Variants in GYG2 observed in about 807,000 individuals in gnomAD.
GYG2 encodes the protein glycogenin 2.
GYG2 carries 29 observed loss-of-function variants against 29.4 expected under a neutral mutation model. The ratio of observed to expected loss-of-function variants is 0.99; its 90% confidence interval spans 0.74 to 1.35. GYG2 has a LOEUF of 1.35. Ranked by LOEUF, GYG2 falls within the 40% of genes most tolerant of loss-of-function variation. GYG2 has a pLI of 0.00. For missense variants in GYG2, 370 were observed against 385.7 expected, an observed-to-expected ratio of 0.96 and a Z score of 0.34; for synonymous variants, 167 against 172.3, an observed-to-expected ratio of 0.97 and a Z score of 0.24.
chrX:2,838,385 A>C (rs1173317530), intron 2 of GYG2, among the ~76,000 whole-genome samples: 1 of 109,528 alleles, frequency 9.1e-6, no homozygotes, highest in Non-Finnish European at 1.9e-5. Context: ...ATTGTCAGGA[A>C]AAGGACTGCT....
rs190308716 is a variant in GYG2, at chrX:2,867,895, A to G, written c.1038+6173A>G. Among the ~76,000 whole-genome samples the G allele has an allele frequency of 4.7e-3, 519 of 111,608 alleles. 5 individuals are homozygous for G. The highest frequency in any genetic ancestry group is 0.016 in the Admixed American group (165 of 10,510). ...CAGATCACTTGAGCTCAGGAGTTCAAGACCAGCCTGGCCAACACGGTGAAA... is the reference window on the plus strand; with the variant it reads ...CAGATCACTTGAGCTCAGGAGTTCAGGACCAGCCTGGCCAACACGGTGAAA... On this transcript the variant is annotated intron_variant, in intron 8 of 10. Coordinates refer to ENST00000398806, the MANE Select transcript of GYG2 (RefSeq NM_001079855.2).
chrX:2,853,965 A>C lies in GYG2; in HGVS notation c.150-15A>C. 1 of 1,173,022 alleles carries C rather than the reference A, an allele frequency of 8.5e-7. No homozygotes were observed. The highest frequency in any genetic ancestry group is 1.2e-6 in the Non-Finnish European group (1 of 861,221). On this transcript the variant is annotated splice_polypyrimidine_tract_variant and intron_variant, in intron 3 of 10. Transcript: ENST00000398806. ...TTCACCCGCTGTCCCACTATTTGGC[A>C]CATGTCTGTTCCAGGGTCATCCTCT...
intron 6 of GYG2, among the ~76,000 whole-genome samples, chrX:2,858,485 A>G (rs966873065): frequency 2.7e-5 from 3 of 110,548 alleles, no homozygotes; most frequent in African/African-American, 9.9e-5. Context: ...AAAAAGAAAG[A>G]ATCCACACGG....
intron 2 of GYG2, among the ~76,000 whole-genome samples, chrX:2,840,724 T>C (rs2087473854): frequency 9.1e-6 from 1 of 109,917 alleles, no homozygotes; most frequent in South Asian, 3.9e-4. Context: ...AGATGATAGG[T>C]AGAGAGATGA....
intron 7 of GYG2, 118 bp downstream of exon 7, chrX:2,860,183 T>C (rs1328501809): frequency 6.6e-6 from 3 of 456,285 alleles, no homozygotes; most frequent in Admixed American, 4.3e-5. Flanking sequence ...CTGTATTTCA[T>C]GGAAAAGAAT....
intron 7 of GYG2, among the ~76,000 whole-genome samples, chrX:2,860,416 A>T (rs1192786975): frequency 3.6e-5 from 4 of 110,728 alleles, no homozygotes; most frequent in African/African-American, 1.3e-4. Context: ...CCATCATTTG[A>T]GATAGCAGTT....
At position 2,843,302 on chromosome X, in the gene GYG2, C is replaced by T; in HGVS notation, c.97C>T (p.Leu33=). 3 of 1,196,032 alleles carry T rather than the reference C, an allele frequency of 2.5e-6. No individual in the cohort carries two copies. Among genetic ancestry groups the T allele is most frequent in the Non-Finnish European group, 3.4e-6 (3 of 882,289 alleles). The part of the protein sequence containing the change: ...VLGQSLRRHR[L]TRKLVVLITP... ...GGGGCAGTCACTGAGGAGACACAGG[C>T]TGACGAGGAAGCTGGTGGTGTTGAT... Residue 33 remains leucine (L), a synonymous_variant, in exon 3 of 11, where the codon CTG becomes TTG. Transcript: ENST00000398806.
In GYG2 at chrX:2,844,546, G is replaced by A. The variant is rs1292242216; in HGVS notation, c.149+1192G>A. Among the ~76,000 whole-genome samples the A allele has an allele frequency of 1.2e-4, 9 of 73,035 alleles. 1 individual carries two copies. Among genetic ancestry groups the A allele is most frequent in the Non-Finnish European group, 2.3e-4 (9 of 38,764 alleles). The allele number at this position is 73,035 out of a possible 115,157, so 63.4% of individuals were successfully genotyped here. On this transcript the variant is annotated intron_variant, in intron 3 of 10. Transcript: ENST00000398806. ...CACGCATGCGTATATATGTGTATAC[G>A]CACACGCATGCGTATATGTGTATAC... is the stretch of plus-strand genomic sequence containing the variant.
chrX:2,856,733 CTATCATCTATCTATCTATGT>C (rs2087997460), intron 6 of GYG2, 109 bp downstream of exon 6: 1 of 514,481 alleles, frequency 1.9e-6, no homozygotes, highest in Non-Finnish European at 3.1e-6. Flanking sequence ...ATCTATCTAT[CTATCATCTATCTATCTATGT>C]ATCTATCTAT....
At chrX:2,854,900 C>T (rs1603459310) in intron 4 of GYG2, 93 bp from the exon 5 acceptor site, 1 of 1,046,362 alleles carries the variant, frequency 9.6e-7, no homozygotes, top group South Asian at 2.2e-5. Context: ...GCACTGCACT[C>T]CAGCCTGGGC....
intron 3 of GYG2, chrX:2,853,050 T>A (rs1249009957): frequency 9.0e-6 from 1 of 111,630 alleles, no homozygotes; most frequent in East Asian, 2.8e-4. Flanking sequence ...AGTCCCACTC[T>A]GTCGCCCAGG....
At chrX:2,836,116 C>G (rs1007059799) in intron 2 of GYG2, among the ~76,000 whole-genome samples, 15 of 111,260 alleles carry the variant, frequency 1.3e-4, no homozygotes, top group African/African-American at 4.9e-4. Context: ...AGGGGTTGAG[C>G]TGGACGTGGG....
At chrX:2,860,344 T>G (rs1428190096) in intron 7 of GYG2, among the ~76,000 whole-genome samples, 4 of 111,590 alleles carry the variant, frequency 3.6e-5, no homozygotes, top group Admixed American at 9.6e-5. Flanking sequence ...GAGACACTCA[T>G]GGACAAGTGG....
At chrX:2,848,214 A>G (rs2147180686) in intron 3 of GYG2, among the ~76,000 whole-genome samples, 1 of 111,694 alleles carries the variant, frequency 9.0e-6, no homozygotes, top group African/African-American at 3.3e-5. Context: ...AGAAGCAAAG[A>G]TAGACAGACA....
At chrX:2,841,260 A>G (rs1445791645) in intron 2 of GYG2, among the ~76,000 whole-genome samples, 43 of 110,416 alleles carry the variant, frequency 3.9e-4, no homozygotes, top group African/African-American at 1.4e-3. Flanking sequence ...TAGATAATAA[A>G]TAATAGATGT....
At chrX:2,856,897 A>G (rs922381168) in intron 6 of GYG2, among the ~76,000 whole-genome samples, 1 of 109,391 alleles carries the variant, frequency 9.1e-6, no homozygotes, top group African/African-American at 3.3e-5. Context: ...CTAGATCTCT[A>G]TGTCTATCTA....
At chrX:2,843,446 C>T in intron 3 of GYG2, 92 bp downstream of exon 3, 1 of 684,836 alleles carries the variant, frequency 1.5e-6, no homozygotes, top group Non-Finnish European at 2.2e-6. Context: ...ATTCTGACGA[C>T]TGACTGCCCT....
chrX:2,832,035 A>G (rs1212444167), intron 2 of GYG2, among the ~76,000 whole-genome samples: 2 of 112,665 alleles, frequency 1.8e-5, no homozygotes, highest in Non-Finnish European at 3.8e-5. Context: ...GCATTGGATA[A>G]TTGTGGATGT....
rs369585413 is a variant in GYG2, at chrX:2,844,552, G to A, written c.149+1198G>A. Among the ~76,000 whole-genome samples the A allele has an allele frequency of 2.7e-3, 154 of 56,512 alleles. 15 individuals carry two copies. Among genetic ancestry groups the A allele is most frequent in the African/African-American group, 7.5e-3 (104 of 13,942 alleles). 49.1% of individuals were successfully genotyped at this position (56,512 alleles called of 115,157 possible). A position where few individuals can be genotyped will look rare whatever the true frequency, so the allele number is the denominator to read the frequency against. The stretch of plus-strand genomic sequence containing the variant: ...TGCGTATATATGTGTATACGCACAC[G>A]CATGCGTATATGTGTATACGCACAC... On this transcript the variant is annotated intron_variant, in intron 3 of 10. Transcript: ENST00000398806.
Sources: gnomAD v4.1 joint callset for allele counts (sites outside exome capture counted in the v4.1 genomes callset) on GRCh38, gnomAD v4.1.1 for gene constraint, MANE v1.5 for transcripts, NCBI Gene and HGNC (gene_info 2026-07-23, HGNC 2026-07-21) for gene names.